BCKDHA: variants seen among roughly 807,000 people sequenced by gnomAD.
The protein encoded by BCKDHA is 2-oxoisovalerate dehydrogenase subunit alpha, mitochondrial.
BCKDHA carries 43 observed loss-of-function variants against 52.2 expected under a neutral mutation model. The ratio of observed to expected loss-of-function variants is 0.82; its 90% CI spans 0.64 to 1.06. BCKDHA has a LOEUF of 1.06. BCKDHA is among the 50% of genes least tolerant of loss of function. BCKDHA has a pLI of 0.00. For missense variants in BCKDHA, 527 were observed against 621.3 expected (o/e 0.85, Z 1.61); for synonymous variants, 234 against 247.9 (o/e 0.94, Z 0.53).
At chr19:41,409,962 G>A (rs554768198) in intron 1 of BCKDHA, among the ~76,000 whole-genome samples, 7 of 152,122 alleles carry the variant, frequency 4.6e-5, no homozygotes, top group East Asian at 1.9e-4. Flanking sequence ...CACCACATCC[G>A]GCTAATTTTT....
chr19:41,400,534 C>T (rs1466981673), intron 1 of BCKDHA, among the ~76,000 whole-genome samples: 1 of 151,438 alleles, frequency 6.6e-6, no homozygotes, highest in Non-Finnish European at 1.5e-5. Context: ...GCCACTGTGC[C>T]TGGCTGCGCC....
intron 4 of BCKDHA, among the ~76,000 whole-genome samples, chr19:41,415,889 C>T (rs556849401): frequency 2.8e-4 from 42 of 150,552 alleles, no homozygotes; most frequent in Middle Eastern, 3.4e-3. Flanking sequence ...CCTTGCGATC[C>T]GCCCTCCTCC....
At chr19:41,409,640 T>C (rs1568503298) in intron 1 of BCKDHA, among the ~76,000 whole-genome samples, 1 of 152,090 alleles carries the variant, frequency 6.6e-6, no homozygotes. Flanking sequence ...AAGATTGTTT[T>C]GAGCATTTGT....
chr19:41,406,221 T>C (rs1381280860), intron 1 of BCKDHA, among the ~76,000 whole-genome samples: 1 of 152,094 alleles, frequency 6.6e-6, no homozygotes, highest in African/African-American at 2.4e-5. Flanking sequence ...GCCGTGAAGA[T>C]AGCTGTCCAG....
At chr19:41,403,874 T>C (rs2039164224) in intron 1 of BCKDHA, among the ~76,000 whole-genome samples, 2 of 152,198 alleles carry the variant, frequency 1.3e-5, no homozygotes, top group African/African-American at 4.8e-5. Context: ...GAGACCCTCA[T>C]CCTACCTCCT....
Position 41,408,736 on chromosome 19 carries a change from G to A in BCKDHA, c.109-1901G>A, listed in dbSNP as rs191726931. Among the ~76,000 whole-genome samples, 263 of 152,102 alleles carry A rather than the reference G, an allele frequency of 1.7e-3. 2 individuals are homozygous for A. The highest frequency in any genetic ancestry group is 6.1e-3 in the African/African-American group (253 of 41,490). Reference sequence around the variant, plus strand: ...GGGGTCAAGCGATTCTCCCACCTCAGCCTTCCAAGTAGCTGGGACTATAGG... The same window carrying A: ...GGGGTCAAGCGATTCTCCCACCTCAACCTTCCAAGTAGCTGGGACTATAGG... On this transcript the variant is annotated intron_variant, in intron 1 of 8. Coordinates refer to ENST00000269980, the MANE Select transcript of BCKDHA (RefSeq NM_000709.4).
intron 1 of BCKDHA, among the ~76,000 whole-genome samples, chr19:41,408,598 A>C (rs1472104196): frequency 6.6e-6 from 1 of 150,916 alleles, no homozygotes; most frequent in Non-Finnish European, 1.5e-5. Flanking sequence ...ATGTCCTTGC[A>C]GGACTCCTCC....
intron 1 of BCKDHA, among the ~76,000 whole-genome samples, chr19:41,406,873 C>T (rs1290282021): frequency 1.3e-5 from 2 of 152,094 alleles, no homozygotes; most frequent in East Asian, 3.9e-4. Context: ...CCCAGCCTTC[C>T]TGGCTAATTT....
chr19:41,416,736 A>G (rs111950596), intron 4 of BCKDHA, among the ~76,000 whole-genome samples: 4,598 of 152,114 alleles, frequency 0.03, 228 homozygotes, highest in African/African-American at 0.1. Flanking sequence ...CCTGGGCAAC[A>G]TGGCGAGACC....
In BCKDHA at chr19:41,422,677, A is replaced by G; in HGVS notation, c.902A>G (p.Asn301Ser). The G allele has an allele frequency of 6.2e-7, 1 of 1,614,086 alleles. No homozygotes were observed. The highest frequency in any genetic ancestry group is 8.5e-7 in the Non-Finnish European group (1 of 1,180,022). Residue 301 changes from asparagine to serine, a missense_variant, in exon 7 of 9, where the codon AAT becomes AGT. Physicochemically the swap from Asn to Ser is conservative, Grantham distance 46 (BLOSUM62 1). Coordinates refer to ENST00000269980, the MANE Select transcript of BCKDHA (RefSeq NM_000709.4). Reference protein sequence around the residue: ...YGIMSIRVDGNDVFAVYNATK... With the variant: ...YGIMSIRVDGSDVFAVYNATK... The stretch of plus-strand genomic sequence containing the variant: ...ATCATGTCAATCCGCGTGGATGGTA[A>G]TGATGTGTTTGCCGTATACAACGCC...
Position 41,410,789 on chromosome 19 carries a change from G to T in BCKDHA, c.261G>T (p.Gln87His), listed in dbSNP as rs751862507. ...PIYRVMDRQG[Q>H]IINPSEDPHL... ...ACCGCGTCATGGACCGGCAAGGCCA[G>T]ATCATCAACCCCAGCGAGGACCCCC... Residue 87 changes from glutamine to histidine, a missense_variant, in exon 2 of 9, where the codon CAG becomes CAT. Physicochemically the swap from Gln to His is conservative, Grantham distance 24. Transcript: ENST00000269980. 23 of 1,614,066 alleles carry T rather than the reference G, an allele frequency of 1.4e-5. No homozygotes were observed. Among genetic ancestry groups the T allele is most frequent in the Non-Finnish European group, 7.6e-6 (9 of 1,180,040 alleles).
Position 41,423,133 on chromosome 19 carries a change from G to C in BCKDHA, c.1131G>C (p.Glu377Asp). 1 of 1,559,000 alleles carries C rather than the reference G, an allele frequency of 6.4e-7. No homozygotes were observed. The highest frequency in any genetic ancestry group is 8.7e-7 in the Non-Finnish European group (1 of 1,151,458). ...TGAGCCAAGGCTGGTGGGATGAGGAGCAGGAGAAGGCCTGGAGGAAGCAGT... is the reference window on the plus strand; with the variant it reads ...TGAGCCAAGGCTGGTGGGATGAGGACCAGGAGAAGGCCTGGAGGAAGCAGT... ...YLLSQGWWDE[E>D]QEKAWRKQSR... The change falls in exon 8 of 9, where the codon GAG (glutamate) becomes GAC (aspartate). Residue 377 changes from glutamate (E) to aspartate (D), a missense_variant. Glu to Asp is a conservative substitution (Grantham distance 45, BLOSUM62 2). Coordinates refer to ENST00000269980, the MANE Select transcript of BCKDHA (RefSeq NM_000709.4).
chr19:41,408,622 T>C (rs572308234), intron 1 of BCKDHA, among the ~76,000 whole-genome samples: 12 of 144,148 alleles, frequency 8.3e-5, no homozygotes, highest in African/African-American at 2.7e-4. Flanking sequence ...CCCTCTGAGC[T>C]TTTTTTTTTG....
Position 41,422,860 on chromosome 19 carries a change from C to T in BCKDHA, c.995+90C>T, listed in dbSNP as rs284655. On this transcript the variant is annotated intron_variant, in intron 7 of 8. Coordinates refer to ENST00000269980, the MANE Select transcript of BCKDHA (RefSeq NM_000709.4). Reference sequence around the variant, plus strand: ...ATCGATCACTGTCTCCAAAACATGGCCTTATCACCTGATGTTGCATCTCCC... The same window carrying T: ...ATCGATCACTGTCTCCAAAACATGGTCTTATCACCTGATGTTGCATCTCCC... 974,722 of 1,596,786 alleles carry T rather than the reference C, an allele frequency of 0.61. 300,947 individuals are homozygous for T. Among genetic ancestry groups the T allele is most frequent in the African/African-American group, 0.82 (61,291 of 74,574 alleles).
intron 5 of BCKDHA, among the ~76,000 whole-genome samples, chr19:41,420,704 T>G (rs1042550337): frequency 3.3e-5 from 5 of 152,220 alleles, no homozygotes; most frequent in African/African-American, 9.6e-5. Flanking sequence ...CTCCAGAGCC[T>G]GGGTTCTTGG....
intron 1 of BCKDHA, among the ~76,000 whole-genome samples, chr19:41,410,134 T>A (rs1229092724): frequency 6.6e-6 from 1 of 152,148 alleles, no homozygotes; most frequent in African/African-American, 2.4e-5. Context: ...CTGTCCTGAG[T>A]AGCTTCGCTG....
At chr19:41,421,607 G>C (rs1040779246) in intron 5 of BCKDHA, among the ~76,000 whole-genome samples, 1 of 147,150 alleles carries the variant, frequency 6.8e-6, no homozygotes, top group African/African-American at 2.6e-5. Flanking sequence ...GTAAAGTCCA[G>C]GAGGTGGTGG....
Position 41,412,000 on chromosome 19 carries a change from C to T in BCKDHA, c.375+991C>T, listed in dbSNP as rs190628555. 4.5e-3 allele frequency among the ~76,000 whole-genome samples: 679 copies of T among 152,332 alleles called. 3 individuals are homozygous for T. The highest frequency in any genetic ancestry group is 0.014 in the Middle Eastern group (4 of 294). On this transcript the variant is annotated intron_variant, in intron 3 of 8. Coordinates refer to ENST00000269980, the MANE Select transcript of BCKDHA (RefSeq NM_000709.4). The stretch of plus-strand genomic sequence containing the variant: ...GCCTGGGAACACATGGAGGAGGGCA[C>T]CGCCGAGCCGCGAGGAGCTCTGGCC...
In BCKDHA at chr19:41,419,256, C is replaced by T. The variant is rs370068964; in HGVS notation, c.606C>T (p.Phe202=). The change falls in exon 5 of 9, where the codon TTC becomes TTT. Residue 202 remains phenylalanine (F), a synonymous_variant. Coordinates refer to ENST00000269980, the MANE Select transcript of BCKDHA (RefSeq NM_000709.4). ...PVHYGCKERH[F]VTISSPLATQ... Reference sequence around the variant, plus strand: ...ACTACGGCTGCAAGGAACGCCACTTCGTCACTATCTCCTCTCCACTGGCCA... The same window carrying T: ...ACTACGGCTGCAAGGAACGCCACTTTGTCACTATCTCCTCTCCACTGGCCA... 114 of 1,614,042 alleles carry T rather than the reference C, an allele frequency of 7.1e-5. No individual in the cohort carries two copies. The highest frequency in any genetic ancestry group is 1.2e-4 in the Admixed American group (7 of 59,996).
Sources: allele counts gnomAD v4.1 joint callset (sites outside exome capture counted in the v4.1 genomes callset), GRCh38; gene constraint gnomAD v4.1.1; transcripts MANE v1.5; gene names NCBI Gene and HGNC (gene_info 2026-07-23, HGNC 2026-07-21).